Variants in RIMS3 observed in about 807,000 individuals in gnomAD.
The protein encoded by RIMS3 is regulating synaptic membrane exocytosis protein 3.
A neutral mutation model predicts 29.2 loss-of-function variants in RIMS3; 15 were observed. That is an observed-to-expected ratio of 0.51 (90% confidence interval 0.34 to 0.79). The LOEUF (loss-of-function observed/expected upper bound fraction) is 0.79. Among genes scored for constraint, RIMS3 ranks in the 30% least tolerant of loss-of-function variants. The probability of loss-of-function intolerance (pLI) is 0.01; values close to 1 mark genes in which losing one functional copy is unlikely to be tolerated. For synonymous variants in RIMS3, 161 were observed against 170.1 expected, an observed-to-expected ratio of 0.95 and a Z score of 0.41; for missense variants, 342 against 421.4, an observed-to-expected ratio of 0.81 and a Z score of 1.65.
At chr1:40,686,493 A>T in the RIMS3 span, among the ~76,000 whole-genome samples, 1 of 152,072 alleles carries the variant, frequency 6.6e-6, no homozygotes, top group Non-Finnish European at 1.5e-5. Context: ...TTTCTACTAA[A>T]AAAATACAAA....
At chr1:40,664,815 G>A (rs1184912378) in intron 1 of RIMS3, among the ~76,000 whole-genome samples, 1 of 152,104 alleles carries the variant, frequency 6.6e-6, no homozygotes. Flanking sequence ...CCCATCAAGG[G>A]TCCTGCCAAG....
At chr1:40,672,239 C>T in the RIMS3 span, among the ~76,000 whole-genome samples, 3 of 142,394 alleles carry the variant, frequency 2.1e-5, no homozygotes, top group Non-Finnish European at 4.5e-5. Flanking sequence ...CGCTCTTTCA[C>T]CCAGGCCGGA....
At chr1:40,651,649 C>A (rs1237750476) in intron 1 of RIMS3, among the ~76,000 whole-genome samples, 1 of 152,220 alleles carries the variant, frequency 6.6e-6, no homozygotes, top group Non-Finnish European at 1.5e-5. Context: ...CGTCTTCACC[C>A]TGAACCCCTA....
chr1:40,648,225 C>T (rs1279699528), intron 1 of RIMS3, among the ~76,000 whole-genome samples: 2 of 152,180 alleles, frequency 1.3e-5, no homozygotes, highest in East Asian at 1.9e-4. Flanking sequence ...TTGGGGGACA[C>T]ACTCCTGGCT....
At chr1:40,627,377 C>T (rs1436533846) in intron 7 of RIMS3, among the ~76,000 whole-genome samples, 3 of 151,032 alleles carry the variant, frequency 2.0e-5, no homozygotes, top group African/African-American at 4.9e-5. Context: ...TACAGGTGCC[C>T]GCCACCACAC....
the RIMS3 span, among the ~76,000 whole-genome samples, chr1:40,688,034 G>A: frequency 1.3e-5 from 2 of 152,236 alleles, no homozygotes; most frequent in East Asian, 1.9e-4. Context: ...GTGCGATCTC[G>A]GCTCATTGCA....
upstream of RIMS3, among the ~76,000 whole-genome samples, chr1:40,670,531 C>T (rs1642478177): frequency 7.1e-6 from 1 of 139,916 alleles, no homozygotes. Flanking sequence ...GTTCTTAGAA[C>T]AGACCTTAGG....
intron 5 of RIMS3, among the ~76,000 whole-genome samples, chr1:40,629,678 A>T (rs61779213): frequency 6.6e-6 from 1 of 151,832 alleles, no homozygotes; most frequent in African/African-American, 2.4e-5. Context: ...TGTTTTACTG[A>T]GCAGAATAGC....
At chr1:40,672,478 G>A in the RIMS3 span, among the ~76,000 whole-genome samples, 3 of 151,558 alleles carry the variant, frequency 2.0e-5, no homozygotes, top group Middle Eastern at 3.2e-3. Flanking sequence ...GATTACAGGC[G>A]TGAGCCACCG....
At chr1:40,665,309 G>A (rs2148365775) in intron 1 of RIMS3, 85 bp downstream of exon 1, 1 of 144,208 alleles carries the variant, frequency 6.9e-6, no homozygotes, top group South Asian at 2.3e-4. Flanking sequence ...TTCATGGCCA[G>A]AGCCCCCCTC....
At chr1:40,650,447 T>C (rs958383219) in intron 1 of RIMS3, among the ~76,000 whole-genome samples, 1 of 152,188 alleles carries the variant, frequency 6.6e-6, no homozygotes, top group Non-Finnish European at 1.5e-5. Context: ...AGAAGGCCCT[T>C]GCCAAGGCCC....
At chr1:40,668,538 G>A (rs1032210304), upstream of RIMS3, among the ~76,000 whole-genome samples, 3 of 148,128 alleles carry the variant, frequency 2.0e-5, no homozygotes, top group African/African-American at 2.5e-5. Flanking sequence ...GGAATAACCA[G>A]CAAGTCTTTT....
chr1:40,691,600 C>A, the RIMS3 span: 1 of 363,462 alleles, frequency 2.8e-6, no homozygotes, highest in Middle Eastern at 5.9e-4. Flanking sequence ...CTGTCGTCGC[C>A]CCTTCCCAAT....
the RIMS3 span, among the ~76,000 whole-genome samples, chr1:40,685,810 A>C: frequency 1.3e-5 from 2 of 152,066 alleles, no homozygotes; most frequent in South Asian, 4.1e-4. Flanking sequence ...TAGCCAATAC[A>C]TAGATGAAGA....
At chr1:40,658,379 C>T (rs1379057656) in intron 1 of RIMS3, among the ~76,000 whole-genome samples, 1 of 152,200 alleles carries the variant, frequency 6.6e-6, no homozygotes, top group South Asian at 2.1e-4. Flanking sequence ...CTTTTTTCTC[C>T]AGCTGCTGTC....
chr1:40,639,392 G>T (rs1473078858), intron 3 of RIMS3, among the ~76,000 whole-genome samples: 1 of 152,218 alleles, frequency 6.6e-6, no homozygotes, highest in Admixed American at 6.5e-5. Flanking sequence ...AAATGGAGAA[G>T]GAATTCTAGA....
At chr1:40,664,787 G>T (rs772755641) in intron 1 of RIMS3, among the ~76,000 whole-genome samples, 1 of 152,098 alleles carries the variant, frequency 6.6e-6, no homozygotes, top group Non-Finnish European at 1.5e-5. Context: ...CCCTATGAAT[G>T]AGAGCATGCC....
At chr1:40,689,448 A>AT in the RIMS3 span, among the ~76,000 whole-genome samples, 104 of 151,958 alleles carry the variant, frequency 6.8e-4, no homozygotes, top group Non-Finnish European at 2.6e-4. Context: ...CACCTGGCTA[A>AT]TTTTTTTATT....
At position 40,636,201 on chromosome 1, in the gene RIMS3, A is replaced by G. The variant is rs114022782; in HGVS notation, c.218-144T>C. 1.1e-3 allele frequency: 1,207 copies of G among 1,055,014 alleles called. 13 individuals carry two copies. The African/African-American group carries it at 0.014, about 13-fold the overall frequency. The allele number at this position is 1,055,014 out of a possible 1,614,324, so 65.4% of individuals were successfully genotyped here. A position where few individuals can be genotyped will look rare whatever the true frequency, so the allele number is the denominator to read the frequency against. On this transcript the variant is annotated intron_variant, in intron 3 of 7. Coordinates refer to ENST00000372684, the MANE Select transcript of RIMS3 (RefSeq NM_014747.3). The surrounding 1 kb of genome is among the most constrained non-coding windows in gnomAD (Gnocchi z 4.2). ...CAGGGCTCTGACTGGAGGCAGGGGC[A>G]TGGCTGAGCTGACCTCAGAGCTGGT...
Sources: allele counts gnomAD v4.1 joint callset (sites outside exome capture counted in the v4.1 genomes callset), GRCh38; gene constraint gnomAD v4.1.1; non-coding constraint Gnocchi (gnomAD v3.1); transcripts MANE v1.5; gene names NCBI Gene and HGNC (gene_info 2026-07-23, HGNC 2026-07-21).